PPARGC1A: variants seen among roughly 807,000 people sequenced by gnomAD.
The protein encoded by PPARGC1A is PPARG coactivator 1 alpha, also known as peroxisome proliferator-activated receptor gamma coactivator 1-alpha.
A neutral mutation model predicts 88.7 loss-of-function variants in PPARGC1A; 25 were observed. That is an observed-to-expected ratio of 0.28 (90% CI 0.21 to 0.39). PPARGC1A has a LOEUF of 0.39. Ranked by LOEUF, PPARGC1A falls within the 10% of genes least tolerant of loss-of-function variation. The probability of loss-of-function intolerance (pLI) is 1.00; values close to 1 mark genes in which losing one functional copy is unlikely to be tolerated. For synonymous variants in PPARGC1A, 363 were observed against 355.6 expected, an observed-to-expected ratio of 1.02 and a Z score of -0.24; for missense variants, 880 against 968.7, an observed-to-expected ratio of 0.91 and a Z score of 1.22.
At chr4:23,802,170 T>A (rs1349588358) in intron 11 of PPARGC1A, 54 bp downstream of exon 11, 1 of 1,611,836 alleles carries the variant, frequency 6.2e-7, no homozygotes, top group African/African-American at 1.3e-5. Flanking sequence ...CTTATGGCCA[T>A]AATTTTTTAC....
the PPARGC1A span, among the ~76,000 whole-genome samples, chr4:24,443,677 C>T: frequency 1.3e-5 from 2 of 151,750 alleles, no homozygotes; most frequent in South Asian, 2.1e-4. Flanking sequence ...TGCCTCAGCT[C>T]CCTGAGTAGC....
intron 2 of PPARGC1A, among the ~76,000 whole-genome samples, chr4:23,836,520 A>C (rs1726045014): frequency 6.6e-6 from 1 of 152,212 alleles, no homozygotes. Context: ...TTATACTAAC[A>C]ACCCAAAATT....
the PPARGC1A span, among the ~76,000 whole-genome samples, chr4:24,024,730 T>G: frequency 6.6e-6 from 1 of 152,236 alleles, no homozygotes; most frequent in Non-Finnish European, 1.5e-5. Context: ...ATTGGCTAAG[T>G]GTATCAAGTC....
At chr4:24,272,947 A>G in the PPARGC1A span, among the ~76,000 whole-genome samples, 1 of 152,358 alleles carries the variant, frequency 6.6e-6, no homozygotes, top group Admixed American at 6.5e-5. Context: ...TGCCAAATCA[A>G]TTAAAAACCA....
At chr4:24,051,800 G>C in the PPARGC1A span, among the ~76,000 whole-genome samples, 1 of 152,114 alleles carries the variant, frequency 6.6e-6, no homozygotes, top group Admixed American at 6.6e-5. Context: ...AGCTAAAAAT[G>C]AATAGACAAG....
the PPARGC1A span, among the ~76,000 whole-genome samples, chr4:24,416,777 T>A: frequency 2.0e-5 from 3 of 152,124 alleles, no homozygotes; most frequent in African/African-American, 7.2e-5. Flanking sequence ...ACGCCTGTAA[T>A]CCCGGCACTT....
chr4:23,828,266 T>G lies in PPARGC1A; in HGVS notation c.757+134A>C. 4 of 913,108 alleles carry G rather than the reference T, an allele frequency of 4.4e-6. No individual in the cohort carries two copies. The South Asian group carries it at 6.4e-5, about 15-fold the overall frequency. The allele number at this position is 913,108 out of a possible 1,614,324, so 56.6% of individuals were successfully genotyped here. A position where few individuals can be genotyped will look rare whatever the true frequency, so the allele number is the denominator to read the frequency against. On this transcript the variant is annotated intron_variant, in intron 5 of 12. Transcript: ENST00000264867. ...AAAGGTTTCTTCCCCCGCTCTGTAA[T>G]AAGTGCTGAATTCTCTTTCCACAGA...
chr4:23,909,676 T>C, the PPARGC1A span, among the ~76,000 whole-genome samples: 1 of 151,848 alleles, frequency 6.6e-6, no homozygotes, highest in Non-Finnish European at 1.5e-5. Flanking sequence ...AGAACCAGGC[T>C]GTGACACTTC....
At chr4:24,468,349 AT>A in the PPARGC1A span, among the ~76,000 whole-genome samples, 1 of 152,234 alleles carries the variant, frequency 6.6e-6, no homozygotes, top group Non-Finnish European at 1.5e-5. Flanking sequence ...ACTGAGCCAA[AT>A]CAGAGACATT....
the PPARGC1A span, among the ~76,000 whole-genome samples, chr4:24,052,419 C>T: frequency 6.6e-6 from 1 of 151,840 alleles, no homozygotes; most frequent in African/African-American, 2.4e-5. Context: ...GGTGGATCAC[C>T]TGAGGTCAGG....
chr4:24,129,770 G>C, the PPARGC1A span, among the ~76,000 whole-genome samples: 2 of 152,104 alleles, frequency 1.3e-5, no homozygotes, highest in Non-Finnish European at 2.9e-5. Context: ...TGACAGACTG[G>C]ATTAAGAAAA....
the PPARGC1A span, among the ~76,000 whole-genome samples, chr4:24,404,040 G>A: frequency 3.3e-5 from 5 of 151,970 alleles, no homozygotes; most frequent in Admixed American, 3.3e-4. Flanking sequence ...AAGGTGGGTG[G>A]ATCATGAGGT....
the PPARGC1A span, among the ~76,000 whole-genome samples, chr4:23,938,465 C>T: frequency 2.0e-5 from 3 of 152,162 alleles, no homozygotes; most frequent in African/African-American, 4.8e-5. Flanking sequence ...CAGTAACAAA[C>T]AAGACATGCC....
the PPARGC1A span, among the ~76,000 whole-genome samples, chr4:23,931,111 G>T: frequency 2.6e-5 from 4 of 152,196 alleles, no homozygotes; most frequent in Admixed American, 2.6e-4. Flanking sequence ...CACCTCTGGG[G>T]ACAGGGAAAG....
the PPARGC1A span, among the ~76,000 whole-genome samples, chr4:24,440,467 T>C: frequency 1.8e-4 from 28 of 152,206 alleles, no homozygotes; most frequent in Non-Finnish European, 3.1e-4. Context: ...AACTGACACA[T>C]GCCTCCCACC....
chr4:23,965,500 C>A, the PPARGC1A span, among the ~76,000 whole-genome samples: 1 of 152,126 alleles, frequency 6.6e-6, no homozygotes, highest in African/African-American at 2.4e-5. Flanking sequence ...TTCATTGTGC[C>A]TCTCCGTACA....
the PPARGC1A span, among the ~76,000 whole-genome samples, chr4:24,085,789 C>T: frequency 1.3e-5 from 2 of 152,188 alleles, no homozygotes; most frequent in African/African-American, 4.8e-5. Context: ...TGTCCCTATT[C>T]CCCTCGCTCC....
At chr4:23,988,954 T>C in the PPARGC1A span, among the ~76,000 whole-genome samples, 2 of 147,662 alleles carry the variant, frequency 1.4e-5, no homozygotes, top group African/African-American at 4.9e-5. Context: ...ATAAAATATA[T>C]ACTATATGTA....
At chr4:23,905,498 ATTC>A (rs1486487909), upstream of PPARGC1A, among the ~76,000 whole-genome samples, 1 of 152,178 alleles carries the variant, frequency 6.6e-6, no homozygotes, top group Admixed American at 6.5e-5. Context: ...TTTTCACCCT[ATTC>A]TTCTTCACCT....
Sources: allele counts gnomAD v4.1 joint callset (sites outside exome capture counted in the v4.1 genomes callset), GRCh38; gene constraint gnomAD v4.1.1; transcripts MANE v1.5; gene names NCBI Gene and HGNC (gene_info 2026-07-23, HGNC 2026-07-21).